Variants in ARID2 observed in about 807,000 individuals in gnomAD.
ARID2 encodes the protein AT-rich interaction domain 2.
Under a neutral mutation model 184.6 loss-of-function variants are expected in ARID2, and 32 were observed. That is an observed-to-expected ratio of 0.17 (90% CI 0.13 to 0.23). ARID2 has a LOEUF of 0.23. Ranked by LOEUF, ARID2 falls within the 10% of genes least tolerant of loss-of-function variation. The probability of loss-of-function intolerance (pLI) is 1.00; values close to 1 mark genes in which losing one functional copy is unlikely to be tolerated. For synonymous variants in ARID2, 836 were observed against 772.6 expected, an observed-to-expected ratio of 1.08 and a Z score of -1.36; for missense variants, 1,696 against 2,197.6, an observed-to-expected ratio of 0.77 and a Z score of 4.56.
chr12:45,836,435 C>T (rs1943221359), intron 6 of ARID2, among the ~76,000 whole-genome samples, 154 bp from the exon 7 acceptor site: 1 of 152,176 alleles, frequency 6.6e-6, no homozygotes, highest in African/African-American at 2.4e-5. Flanking sequence ...AGGCAGGTCT[C>T]AAACTCCCAG....
intron 3 of ARID2, among the ~76,000 whole-genome samples, chr12:45,765,514 G>GT (rs561418730): frequency 0.032 from 4,466 of 140,436 alleles, 83 homozygotes; most frequent in South Asian, 0.082. Flanking sequence ...CCTGGCCTCG[G>GT]TTTTTTTTTT....
chr12:45,856,215 C>T (rs1943646812), intron 15 of ARID2, among the ~76,000 whole-genome samples: 1 of 151,582 alleles, frequency 6.6e-6, no homozygotes, highest in Non-Finnish European at 1.5e-5. Context: ...ACTGGAATTA[C>T]AGGCCACCAT....
chr12:45,767,352 AAAG>A (rs1478008656), intron 3 of ARID2, among the ~76,000 whole-genome samples: 1 of 152,200 alleles, frequency 6.6e-6, no homozygotes, highest in African/African-American at 2.4e-5. Context: ...TCTCGTGAAA[AAAG>A]GAAGAATTTT....
rs1265963884 is a variant in ARID2, at chr12:45,906,778, A to G, written c.*1700A>G. The stretch of plus-strand genomic sequence containing the variant: ...TTATAATGCAGAGCAAATGTAGAGA[A>G]CAGCAAATGATTGATGCAGTTAAAG... On this transcript the variant is annotated 3_prime_UTR_variant, in exon 21 of 21. Transcript: ENST00000334344. 1 of 232,014 alleles carries G rather than the reference A, an allele frequency of 4.3e-6. No homozygotes were observed. Among genetic ancestry groups the G allele is most frequent in the Non-Finnish European group, 8.5e-6 (1 of 117,404 alleles). The allele number at this position is 232,014 out of a possible 1,614,324, so 14.4% of individuals were successfully genotyped here.
At chr12:45,801,002 A>G (rs1054599005) in intron 3 of ARID2, among the ~76,000 whole-genome samples, 1 of 152,206 alleles carries the variant, frequency 6.6e-6, no homozygotes, top group Admixed American at 6.5e-5. Context: ...TCGAATGCCA[A>G]CTAATAAATG....
At chr12:45,870,398 C>G (rs1367188016) in intron 16 of ARID2, among the ~76,000 whole-genome samples, 1 of 152,160 alleles carries the variant, frequency 6.6e-6, no homozygotes, top group Non-Finnish European at 1.5e-5. Flanking sequence ...TTATTGACAC[C>G]TTGCATTAGT....
At chr12:45,885,579 T>C (rs1944172553) in intron 16 of ARID2, among the ~76,000 whole-genome samples, 1 of 152,206 alleles carries the variant, frequency 6.6e-6, no homozygotes, top group South Asian at 2.1e-4. Context: ...TGAAACTATC[T>C]GTATTGTCCA....
chr12:45,761,281 A>G (rs879587259), intron 3 of ARID2, among the ~76,000 whole-genome samples: 1 of 152,150 alleles, frequency 6.6e-6, no homozygotes, highest in Admixed American at 6.5e-5. Context: ...TTATGAATAC[A>G]CTTGTTTTAA....
intron 6 of ARID2, 43 bp downstream of exon 6, chr12:45,821,530 C>G: frequency 2.4e-6 from 3 of 1,275,456 alleles, no homozygotes; most frequent in Non-Finnish European, 3.2e-6. Context: ...GAGTTACATG[C>G]AGCTAAGCCA....
chr12:45,898,758 A>T (rs1026409371), intron 20 of ARID2, among the ~76,000 whole-genome samples: 5 of 152,098 alleles, frequency 3.3e-5, no homozygotes, highest in Admixed American at 3.3e-4. Flanking sequence ...TCTACTAAAA[A>T]ATATAAAAAT....
chr12:45,900,887 T>A lies in ARID2; in HGVS notation c.5364-4047T>A, dbSNP rs186721057. 1.2e-4 allele frequency among the ~76,000 whole-genome samples: 18 copies of A among 152,272 alleles called. No individual in the cohort carries two copies. In the East Asian group the frequency reaches 3.3e-3, roughly 28 times the overall value. The stretch of plus-strand genomic sequence containing the variant: ...GACTAGTGACATTCTGGTTCCCATT[T>A]CTTTGTATGTGATCTGTTTTCCCCC... On this transcript the variant is annotated intron_variant, in intron 20 of 20. Coordinates refer to ENST00000334344, the MANE Select transcript of ARID2 (RefSeq NM_152641.4).
intron 16 of ARID2, among the ~76,000 whole-genome samples, chr12:45,884,934 A>G (rs1944163783): frequency 6.6e-6 from 1 of 152,182 alleles, no homozygotes. Flanking sequence ...AGACTGGAGA[A>G]TTCATTCTTG....
chr12:45,745,985 AGTT>A (rs1941347944), intron 3 of ARID2, among the ~76,000 whole-genome samples: 1 of 151,960 alleles, frequency 6.6e-6, no homozygotes. Flanking sequence ...TATATTTGAT[AGTT>A]GTTTTTTTTT....
At position 45,752,709 on chromosome 12, in the gene ARID2, C is replaced by T. The variant is rs559070152; in HGVS notation, c.284+21395C>T. On this transcript the variant is annotated intron_variant, in intron 3 of 20. Transcript: ENST00000334344. ...CTGATTTTTTGTAGAGGCAGGATCT[C>T]GCTATGTTGCCCAGGCCAGTAAGCA... is the stretch of plus-strand genomic sequence containing the variant. Among the ~76,000 whole-genome samples, 7 of 152,242 alleles carry T rather than the reference C, an allele frequency of 4.6e-5. 1 individual carries two copies. The highest frequency in any genetic ancestry group is 1.9e-4 in the East Asian group (1 of 5,164).
intron 20 of ARID2, chr12:45,904,406 G>A (rs976797249): frequency 2.8e-6 from 2 of 709,606 alleles, no homozygotes; most frequent in Non-Finnish European, 5.2e-6. Flanking sequence ...AAGGTACTAT[G>A]GAGAGGCTGG....
intron 3 of ARID2, among the ~76,000 whole-genome samples, chr12:45,737,767 AGT>A (rs1941158879): frequency 6.6e-6 from 1 of 152,148 alleles, no homozygotes; most frequent in Non-Finnish European, 1.5e-5. Flanking sequence ...TGAGATGACT[AGT>A]TTAACATGGC....
At chr12:45,796,832 T>C (rs1415794026) in intron 3 of ARID2, among the ~76,000 whole-genome samples, 1 of 152,174 alleles carries the variant, frequency 6.6e-6, no homozygotes, top group African/African-American at 2.4e-5. Context: ...CTAAGTGTTA[T>C]TTGGTAGGAG....
intron 4 of ARID2, among the ~76,000 whole-genome samples, chr12:45,812,206 T>C (rs1479636945): frequency 7.0e-6 from 1 of 142,202 alleles, no homozygotes; most frequent in Non-Finnish European, 1.5e-5. Flanking sequence ...ACATTTGGCC[T>C]AAAAAAAAAA....
At chr12:45,879,784 G>A (rs1389811508) in intron 16 of ARID2, among the ~76,000 whole-genome samples, 1 of 152,162 alleles carries the variant, frequency 6.6e-6, no homozygotes, top group Non-Finnish European at 1.5e-5. Flanking sequence ...TAAGCACAAT[G>A]TTGACTATTA....
Sources: gnomAD v4.1 joint callset for allele counts (sites outside exome capture counted in the v4.1 genomes callset) on GRCh38, gnomAD v4.1.1 for gene constraint, MANE v1.5 for transcripts, NCBI Gene and HGNC (gene_info 2026-07-23, HGNC 2026-07-21) for gene names.